Variants in SLC15A5 observed in about 807,000 individuals in gnomAD.
SLC15A5 encodes Peptide/histidine transporter ENSP00000340402.
A neutral mutation model predicts 56.1 loss-of-function variants in SLC15A5; 58 were observed. That is an observed-to-expected ratio of 1.03 (90% CI 0.84 to 1.29). The LOEUF (loss-of-function observed/expected upper bound fraction) is 1.29, where lower values mean the gene tolerates loss of function less well. Among genes scored for constraint, SLC15A5 ranks in the 50% most tolerant of loss-of-function variants. The pLI is 0.00. For synonymous variants in SLC15A5, 264 were observed against 250.5 expected (o/e 1.05, Z -0.51); for missense variants, 681 against 672.1 (o/e 1.01, Z -0.15).
At chr12:16,195,630 C>T (rs1428344218) in intron 7 of SLC15A5, among the ~76,000 whole-genome samples, 1 of 151,976 alleles carries the variant, frequency 6.6e-6, no homozygotes, top group Non-Finnish European at 1.5e-5. Context: ...GGGTGTGGGA[C>T]CAGAGCAATC....
intron 6 of SLC15A5, among the ~76,000 whole-genome samples, chr12:16,223,540 G>C (rs2136249146): frequency 6.6e-6 from 1 of 152,154 alleles, no homozygotes; most frequent in African/African-American, 2.4e-5. Flanking sequence ...AGAAACCCTT[G>C]ATATTTAATA....
intron 8 of SLC15A5, among the ~76,000 whole-genome samples, chr12:16,192,051 A>T (rs1209234952): frequency 6.6e-6 from 1 of 152,092 alleles, no homozygotes; most frequent in East Asian, 1.9e-4. Context: ...TTCAGAGACA[A>T]ATTTGGGGTT....
At chr12:16,195,717 A>G (rs1863888709) in intron 7 of SLC15A5, among the ~76,000 whole-genome samples, 1 of 152,042 alleles carries the variant, frequency 6.6e-6, no homozygotes, top group Non-Finnish European at 1.5e-5. Flanking sequence ...CTGCAGTAGA[A>G]AGTGGTTCTT....
chr12:16,266,579 G>C (rs1425792887), intron 2 of SLC15A5, among the ~76,000 whole-genome samples: 1 of 152,064 alleles, frequency 6.6e-6, no homozygotes, highest in East Asian at 1.9e-4. Flanking sequence ...GTACAGTCAT[G>C]TTTTATATAT....
At chr12:16,247,182 T>G (rs547732674) in intron 3 of SLC15A5, among the ~76,000 whole-genome samples, 1 of 152,132 alleles carries the variant, frequency 6.6e-6, no homozygotes, top group Admixed American at 6.6e-5. Context: ...CTGGCTTCAG[T>G]TGAATATGTA....
intron 2 of SLC15A5, among the ~76,000 whole-genome samples, chr12:16,258,990 C>CT (rs35905307): frequency 0.053 from 6,285 of 118,368 alleles, 321 homozygotes; most frequent in African/African-American, 0.086. Context: ...TCTTCTTTTT[C>CT]TTTTTTTTTT....
chr12:16,232,846 G>A (rs1259208354), intron 5 of SLC15A5, among the ~76,000 whole-genome samples: 1 of 152,022 alleles, frequency 6.6e-6, no homozygotes, highest in Non-Finnish European at 1.5e-5. Context: ...AACCAAGGAG[G>A]TGGAGGTTGC....
In SLC15A5 at chr12:16,258,386, G is replaced by C. The variant is rs1254197979; in HGVS notation, c.585-516C>G. Among the ~76,000 whole-genome samples the C allele has an allele frequency of 4.6e-5, 7 of 152,200 alleles. No homozygotes were observed. In the South Asian group the frequency reaches 1.0e-3, roughly 23 times the overall value. On this transcript the variant is annotated intron_variant, in intron 2 of 8. Coordinates refer to ENST00000344941, the MANE Select transcript of SLC15A5 (RefSeq NM_001170798.1). ...GTAACTGAAGAAATGAGTGACATTT[G>C]AATAAAACTTTCCATTTTTCTTCCC...
intron 7 of SLC15A5, among the ~76,000 whole-genome samples, chr12:16,207,948 C>T (rs928822327): frequency 2.6e-5 from 4 of 152,096 alleles, no homozygotes; most frequent in Non-Finnish European, 4.4e-5. Flanking sequence ...CCACTGTGCC[C>T]GGCCAGAACC....
Position 16,257,711 on chromosome 12 carries a change from C to A in SLC15A5, c.744G>T (p.Gln248His). The stretch of plus-strand genomic sequence containing the variant: ...GCATAATTTACTTACGTTTTTCTGA[C>A]TGATAAATTAGGTTGTAGTATATCA... The part of the protein sequence containing the change: ...LHMIYYNLIY[Q>H]SEKRCSLLTG... Residue 248 changes from glutamine to histidine, a missense_variant, in exon 3 of 9, where the codon CAG (glutamine) becomes CAT (histidine). By Grantham distance (24) the Gln-to-His change is conservative. Transcript: ENST00000344941. 6.8e-7 allele frequency: 1 copy of A among 1,464,772 alleles called. No individual in the cohort carries two copies. Among genetic ancestry groups the A allele is most frequent in the Non-Finnish European group, 8.9e-7 (1 of 1,118,422 alleles). The allele number at this position is 1,464,772 out of a possible 1,614,324, so 90.7% of individuals were successfully genotyped here.
intron 5 of SLC15A5, among the ~76,000 whole-genome samples, chr12:16,238,349 C>T (rs192414760): frequency 3.3e-4 from 50 of 152,156 alleles, no homozygotes; most frequent in Admixed American, 2.9e-3. Flanking sequence ...ACAGGTTGGC[C>T]GGGCGTGGTG....
chr12:16,215,227 AAACC>A (rs1864120113), intron 7 of SLC15A5, among the ~76,000 whole-genome samples: 1 of 102,832 alleles, frequency 9.7e-6, no homozygotes, highest in Non-Finnish European at 1.9e-5. Flanking sequence ...AAAAAAAAAA[AAACC>A]AAAGTGAGGA....
intron 1 of SLC15A5, 107 bp from the exon 2 acceptor site, chr12:16,272,890 T>C: frequency 1.0e-6 from 1 of 970,068 alleles, no homozygotes; most frequent in Non-Finnish European, 1.5e-6. Flanking sequence ...TTTGTGATTG[T>C]CTTATCCAAA....
In SLC15A5 at chr12:16,267,733, C is replaced by CT. The variant is rs1224683217; in HGVS notation, c.584+4827dup. Among the ~76,000 whole-genome samples, 73 of 27,514 alleles carry CT rather than the reference C, an allele frequency of 2.7e-3. 4 individuals carry two copies. The highest frequency in any genetic ancestry group is 4.9e-3 in the African/African-American group (33 of 6,764). 18.1% of individuals were successfully genotyped at this position (27,514 alleles called of 152,430 possible). A position where few individuals can be genotyped will look rare whatever the true frequency, so the allele number is the denominator to read the frequency against. Reference sequence around the variant, plus strand: ...CCAACAACCCCCGCCCACCCCCCACCTTTTTTTTTTTTTTTTTTTTTTTGA... The same window carrying CT: ...CCAACAACCCCCGCCCACCCCCCACCTTTTTTTTTTTTTTTTTTTTTTTTGA... On this transcript the variant is annotated intron_variant, in intron 2 of 8. Transcript: ENST00000344941.
chr12:16,190,449 CCT>C (rs374245205), intron 8 of SLC15A5, among the ~76,000 whole-genome samples: 7 of 152,128 alleles, frequency 4.6e-5, no homozygotes, highest in Admixed American at 2.0e-4. Flanking sequence ...TGGCGCTTTT[CCT>C]CCATGGCATA....
intron 7 of SLC15A5, among the ~76,000 whole-genome samples, chr12:16,202,135 G>A (rs967104039): frequency 1.3e-5 from 2 of 152,078 alleles, no homozygotes; most frequent in African/African-American, 4.8e-5. Flanking sequence ...TTTCTGCACA[G>A]CAAAGGAAAT....
At position 16,229,635 on chromosome 12, in the gene SLC15A5, AAC is replaced by A. The variant is rs1163652551; in HGVS notation, c.1163-5035_1163-5034del. ...AAAAGGGCCCAGGTTCAAAGTAAGC[AAC>A]ACACACACATACACACACACACACA... is the stretch of plus-strand genomic sequence containing the variant. On this transcript the variant is annotated intron_variant, in intron 5 of 8. Coordinates refer to ENST00000344941, the MANE Select transcript of SLC15A5 (RefSeq NM_001170798.1). Among the ~76,000 whole-genome samples, 11 of 99,112 alleles carry A rather than the reference AAC, an allele frequency of 1.1e-4. No homozygotes were observed. The Admixed American group carries it at 1.2e-3, about 11-fold the overall frequency. 65.0% of individuals were successfully genotyped at this position (99,112 alleles called of 152,430 possible).
Position 16,257,861 on chromosome 12 carries a change from C to T in SLC15A5, c.594G>A (p.Trp198Ter). 1 of 1,488,770 alleles carries T rather than the reference C, an allele frequency of 6.7e-7. No homozygotes were observed. 92.2% of individuals were successfully genotyped at this position (1,488,770 alleles called of 1,614,324 possible). Residue 198 changes from tryptophan to a stop codon, truncating the protein, a stop_gained, in exon 3 of 9, where the codon TGG becomes TGA. Transcript: ENST00000344941. LOFTEE classifies it high-confidence loss of function. ...CAATAGTTGCATTTAGGTTCATGAG[C>T]CAATAAAACCTGGGGTATACAGACA... ...KTMSFFNWFY[W>*]LMNLNATIVF...
Position 16,224,433 on chromosome 12 carries a change from T to G in SLC15A5, c.1332A>C (p.Glu444Asp). Residue 444 changes from glutamate to aspartate, a missense_variant, in exon 6 of 9, where the codon GAA (glutamate) becomes GAC (aspartate). Coordinates refer to ENST00000344941, the MANE Select transcript of SLC15A5 (RefSeq NM_001170798.1). ...ILQYVLLGVAETLVNPALSVI... is the reference protein window; with the variant it reads ...ILQYVLLGVADTLVNPALSVI... ...ACTCACGGGCTGGGTTTACCAGTGT[T>G]TCCGCCACTCCAAGTAAAACATACT... 1 of 1,537,158 alleles carries G rather than the reference T, an allele frequency of 6.5e-7. No individual in the cohort carries two copies. The highest frequency in any genetic ancestry group is 8.7e-7 in the Non-Finnish European group (1 of 1,146,866).
Sources: allele counts gnomAD v4.1 joint callset (sites outside exome capture counted in the v4.1 genomes callset), GRCh38; gene constraint gnomAD v4.1.1; transcripts MANE v1.5; gene names NCBI Gene and HGNC (gene_info 2026-07-23, HGNC 2026-07-21).